TOR1AIP1: variants seen among roughly 807,000 people sequenced by gnomAD.
TOR1AIP1 encodes the protein torsin 1A interacting protein 1, also known as torsin-1A-interacting protein 1.
TOR1AIP1 carries 54 observed loss-of-function variants against 63.3 expected under a neutral mutation model. The observed-to-expected ratio is 0.85, with a 90% CI of 0.69 to 1.07. The LOEUF (loss-of-function observed/expected upper bound fraction) is 1.07. Among genes scored for constraint, TOR1AIP1 ranks in the 50% least tolerant of loss-of-function variants. TOR1AIP1 has a pLI of 0.00. For missense variants in TOR1AIP1, 736 were observed against 715.0 expected (o/e 1.03, Z -0.33); for synonymous variants, 294 against 273.5 (o/e 1.07, Z -0.74).
At chr1:179,883,523 C>A in intron 1 of TOR1AIP1, 1 of 433,062 alleles carries the variant, frequency 2.3e-6, no homozygotes, top group South Asian at 1.6e-5. Flanking sequence ...TGAGACCTCA[C>A]CCAATACTTT....
chr1:179,889,173 A>C (rs1205868273), intron 2 of TOR1AIP1, 140 bp from the exon 3 acceptor site: 4 of 518,332 alleles, frequency 7.7e-6, no homozygotes, highest in Non-Finnish European at 1.3e-5. Context: ...GTTGTCACTT[A>C]GAAAGCTTGT....
chr1:179,888,525 GAGAT>G (rs1444820017), intron 2 of TOR1AIP1, among the ~76,000 whole-genome samples: 2 of 152,190 alleles, frequency 1.3e-5, no homozygotes, highest in African/African-American at 2.4e-5. Flanking sequence ...GTGAAATACT[GAGAT>G]AGATATTTCA....
At chr1:179,889,066 G>A (rs1647985696) in intron 2 of TOR1AIP1, among the ~76,000 whole-genome samples, 1 of 152,074 alleles carries the variant, frequency 6.6e-6, no homozygotes, top group African/African-American at 2.4e-5. Flanking sequence ...TACAGCTACG[G>A]TTTGCTGAGA....
chr1:179,899,254 T>C (rs552139198), intron 3 of TOR1AIP1, among the ~76,000 whole-genome samples: 120 of 55,660 alleles, frequency 2.2e-3, no homozygotes, highest in Non-Finnish European at 3.5e-3. Context: ...TGGGTACATC[T>C]CACTATTTTT....
intron 8 of TOR1AIP1, among the ~76,000 whole-genome samples, chr1:179,912,955 T>TA (rs1648885643): frequency 6.6e-6 from 1 of 152,112 alleles, no homozygotes; most frequent in African/African-American, 2.4e-5. Flanking sequence ...AGGCAAGTGA[T>TA]AGACGGCAAT....
Position 179,917,860 on chromosome 1 carries a change from A to C in TOR1AIP1, c.1373A>C (p.Lys458Thr). The C allele has an allele frequency of 6.2e-7, 1 of 1,614,232 alleles. No individual in the cohort carries two copies. Among genetic ancestry groups the C allele is most frequent in the Non-Finnish European group, 8.5e-7 (1 of 1,180,048 alleles). ...GCTACTCAAGACAGTGATACTGTCA[A>C]ACTAGAGGTAGACCAAGAACTGAGC... ...DKATQDSDTV[K>T]LEVDQELSNG... Residue 458 changes from lysine (K) to threonine (T), a missense_variant, in exon 10 of 10, where the codon AAA (lysine) becomes ACA (threonine). Physicochemically the swap from Lys to Thr is moderately conservative, Grantham distance 78. Around this residue, in one of 2 missense-constraint regions of TOR1AIP1, gnomAD observed 272 missense variants for 344.1 expected, o/e 0.79. Coordinates refer to ENST00000606911, the MANE Select transcript of TOR1AIP1 (RefSeq NM_015602.4).
At chr1:179,911,920 GTGAT>G (rs748578417) in intron 8 of TOR1AIP1, among the ~76,000 whole-genome samples, 7 of 151,138 alleles carry the variant, frequency 4.6e-5, no homozygotes, top group Middle Eastern at 3.2e-3. Flanking sequence ...TGGTTGTAGA[GTGAT>G]TGATTATCAC....
chr1:179,885,134 T>C (rs908933603), intron 2 of TOR1AIP1, among the ~76,000 whole-genome samples: 1 of 152,278 alleles, frequency 6.6e-6, no homozygotes, highest in Non-Finnish European at 1.5e-5. Flanking sequence ...GAATATGTTA[T>C]ACTGCCCTGT....
chr1:179,914,271 T>A, intron 9 of TOR1AIP1, among the ~76,000 whole-genome samples: 1 of 152,240 alleles, frequency 6.6e-6, no homozygotes, highest in East Asian at 1.9e-4. Flanking sequence ...CTTAACTGTC[T>A]ATAAGACCAA....
At chr1:179,916,355 G>T (rs1163843394) in intron 9 of TOR1AIP1, among the ~76,000 whole-genome samples, 1 of 152,096 alleles carries the variant, frequency 6.6e-6, no homozygotes, top group Non-Finnish European at 1.5e-5. Context: ...ACAAAATAGG[G>T]TCTTGAGGTA....
At chr1:179,891,379 G>T (rs1316779572) in intron 3 of TOR1AIP1, among the ~76,000 whole-genome samples, 1 of 149,588 alleles carries the variant, frequency 6.7e-6, no homozygotes, top group South Asian at 2.1e-4. Context: ...CCACCACCAC[G>T]CCCAGCTACT....
At chr1:179,899,854 AGGCT>A (rs1648393861) in intron 3 of TOR1AIP1, among the ~76,000 whole-genome samples, 1 of 152,220 alleles carries the variant, frequency 6.6e-6, no homozygotes, top group African/African-American at 2.4e-5. Flanking sequence ...CATGTTGACC[AGGCT>A]GGTCTCAAAC....
chr1:179,901,080 T>G (rs570665802), intron 4 of TOR1AIP1, among the ~76,000 whole-genome samples: 38 of 152,352 alleles, frequency 2.5e-4, no homozygotes, highest in Middle Eastern at 6.8e-3. Flanking sequence ...AATATTTGTT[T>G]AGGAAAGTAT....
chr1:179,901,334 C>CA lies in TOR1AIP1; in HGVS notation c.686dup (p.His229GlnfsTer8). ...TGAAGAAGATGATCAAGACAGCTCT[C>CA]ACAGCAGTGTCACTACTGTTAAGGC... is the stretch of plus-strand genomic sequence containing the variant. On this transcript the variant is annotated frameshift_variant, in exon 5 of 10. Coordinates refer to ENST00000606911, the MANE Select transcript of TOR1AIP1 (RefSeq NM_015602.4). LOFTEE classifies it high-confidence loss of function. The CA allele has an allele frequency of 6.2e-7, 1 of 1,611,296 alleles. No individual in the cohort carries two copies. Among genetic ancestry groups the CA allele is most frequent in the Non-Finnish European group, 8.5e-7 (1 of 1,178,406 alleles).
At chr1:179,906,203 TA>T (rs1387515689) in intron 6 of TOR1AIP1, among the ~76,000 whole-genome samples, 4 of 152,322 alleles carry the variant, frequency 2.6e-5, no homozygotes, top group African/African-American at 9.6e-5. Flanking sequence ...TCCACTTTTT[TA>T]AAAGTATATT....
rs41267618 is a variant in TOR1AIP1 at position 179,914,194 on chromosome 1, A to G, written c.964+140A>G. On this transcript the variant is annotated intron_variant, in intron 9 of 9. Transcript: ENST00000606911. The stretch of plus-strand genomic sequence containing the variant: ...TTAAGCACTTGAGAGGAAAAAGTAT[A>G]TATTCTACTAGCAGTGAAATTCTTT... 5,306 of 719,810 alleles carry G rather than the reference A, an allele frequency of 7.4e-3. 36 individuals carry two copies. Among genetic ancestry groups the G allele is most frequent in the Non-Finnish European group, 7.5e-3 (3,203 of 428,648 alleles). 44.6% of individuals were successfully genotyped at this position (719,810 alleles called of 1,614,324 possible).
Position 179,882,715 on chromosome 1 carries a change from G to A in TOR1AIP1, c.213G>A (p.Glu71=). The A allele has an allele frequency of 6.2e-7, 1 of 1,613,496 alleles. No individual in the cohort carries two copies. Among genetic ancestry groups the A allele is most frequent in the Non-Finnish European group, 8.5e-7 (1 of 1,179,652 alleles). Residue 71 remains glutamate, a synonymous_variant, in exon 1 of 10, where the codon GAG becomes GAA. Coordinates refer to ENST00000606911, the MANE Select transcript of TOR1AIP1 (RefSeq NM_015602.4). The part of the protein sequence containing the change: ...DEPPEVYGDF[E]PLVAKERSPV... ...CGCCAGAAGTGTACGGCGACTTCGA[G>A]CCCCTGGTGGCCAAAGAAAGGTCCC...
At chr1:179,889,099 A>G (rs1647986647) in intron 2 of TOR1AIP1, among the ~76,000 whole-genome samples, 1 of 152,316 alleles carries the variant, frequency 6.6e-6, no homozygotes, top group Non-Finnish European at 1.5e-5. Context: ...TTCTCCATCA[A>G]GACTATAAAT....
At chr1:179,892,865 A>G (rs890132246) in intron 3 of TOR1AIP1, among the ~76,000 whole-genome samples, 36 of 152,236 alleles carry the variant, frequency 2.4e-4, no homozygotes, top group African/African-American at 8.4e-4. Context: ...AAATTATGTC[A>G]TATTATTTAA....
Sources: gnomAD v4.1 joint callset for allele counts (sites outside exome capture counted in the v4.1 genomes callset) on GRCh38, gnomAD v4.1.1 for gene constraint, gnomAD v4.1.1 regional missense constraint, MANE v1.5 for transcripts, NCBI Gene and HGNC (gene_info 2026-07-23, HGNC 2026-07-21) for gene names.